Variants in FOXP2 observed in about 807,000 individuals in gnomAD.
FOXP2 encodes forkhead box protein P2.
FOXP2 carries 12 observed loss-of-function variants against 115.8 expected under a neutral mutation model. The observed-to-expected ratio is 0.10, with a 90% CI of 0.07 to 0.17. FOXP2 has a LOEUF of 0.17. Ranked by LOEUF, FOXP2 falls within the 10% of genes least tolerant of loss-of-function variation. The pLI is 1.00. For synonymous variants in FOXP2, 328 were observed against 297.7 expected, an observed-to-expected ratio of 1.10 and a Z score of -1.05; for missense variants, 629 against 843.5, an observed-to-expected ratio of 0.75 and a Z score of 3.15.
At chr7:114,362,079 G>C (rs1485509796) in intron 2 of FOXP2, among the ~76,000 whole-genome samples, 6 of 151,892 alleles carry the variant, frequency 4.0e-5, no homozygotes, top group Non-Finnish European at 8.8e-5. Context: ...TGGCCAGGGA[G>C]GGGGTAAGGA....
chr7:114,407,034 A>G (rs1793053078), intron 2 of FOXP2, among the ~76,000 whole-genome samples: 1 of 151,992 alleles, frequency 6.6e-6, no homozygotes, highest in Non-Finnish European at 1.5e-5. Flanking sequence ...TGAGAGAAAT[A>G]GTAAGAAAAG....
chr7:114,428,646 T>C lies in FOXP2; in HGVS notation c.168+1967T>C, dbSNP rs567829313. Among the ~76,000 whole-genome samples the C allele has an allele frequency of 1.2e-4, 18 of 151,662 alleles. No homozygotes were observed. The South Asian group carries it at 1.4e-3, about 12-fold the overall frequency. ...TTGTAAATATCCCTTCCCTTGGTTA[T>C]GTTTTAACTATATTAATATAGTTAG... On this transcript the variant is annotated intron_variant, in intron 2 of 16. Transcript: ENST00000350908.
chr7:114,524,202 T>A (rs1798754511), intron 2 of FOXP2, among the ~76,000 whole-genome samples: 1 of 152,188 alleles, frequency 6.6e-6, no homozygotes, highest in Non-Finnish European at 1.5e-5. Flanking sequence ...TTTTCTGTAG[T>A]GAACATCCTA....
intron 2 of FOXP2, among the ~76,000 whole-genome samples, chr7:114,520,844 A>G (rs535515735): frequency 2.0e-4 from 30 of 152,152 alleles, no homozygotes; most frequent in Non-Finnish European, 4.3e-4. Flanking sequence ...AAATGACTAT[A>G]ATCATTCTGA....
chr7:114,417,802 G>A (rs939922366), intron 1 of FOXP2, among the ~76,000 whole-genome samples: 1 of 151,712 alleles, frequency 6.6e-6, no homozygotes, highest in East Asian at 1.9e-4. Flanking sequence ...ACCTTTTTTG[G>A]TAATGATCAT....
chr7:114,157,685 C>A (rs1792705933), intron 1 of FOXP2, among the ~76,000 whole-genome samples: 1 of 152,044 alleles, frequency 6.6e-6, no homozygotes, highest in African/African-American at 2.4e-5. Context: ...GACTTGAAGT[C>A]ACATATATTA....
At chr7:114,426,819 G>A (rs1162726876) in intron 2 of FOXP2, 140 bp downstream of exon 2, 1 of 930,444 alleles carries the variant, frequency 1.1e-6, no homozygotes, top group Admixed American at 2.1e-5. Context: ...GAACATGATT[G>A]AAGGATGAGT....
chr7:114,149,919 C>T (rs142862568), intron 1 of FOXP2, among the ~76,000 whole-genome samples: 6 of 151,860 alleles, frequency 4.0e-5, no homozygotes, highest in East Asian at 3.9e-4. Context: ...GGACTCTTGA[C>T]GTATATGGTA....
intron 1 of FOXP2, among the ~76,000 whole-genome samples, chr7:114,153,383 T>G (rs1270825333): frequency 6.6e-6 from 1 of 152,154 alleles, no homozygotes; most frequent in African/African-American, 2.4e-5. Flanking sequence ...ATTACATTAT[T>G]TTATTGTGTA....
chr7:114,276,535 T>A (rs993086896), intron 1 of FOXP2, among the ~76,000 whole-genome samples: 2 of 152,094 alleles, frequency 1.3e-5, no homozygotes, highest in Non-Finnish European at 2.9e-5. Context: ...TTCTTTGATA[T>A]CTACTGTGAA....
chr7:114,540,128 C>A (rs527334270), intron 3 of FOXP2, among the ~76,000 whole-genome samples: 62 of 151,948 alleles, frequency 4.1e-4, no homozygotes, highest in Admixed American at 1.1e-3. Flanking sequence ...TAGCATTTGG[C>A]CGTAATTTGT....
At chr7:114,345,875 C>A (rs527420217) in intron 2 of FOXP2, among the ~76,000 whole-genome samples, 32 of 151,616 alleles carry the variant, frequency 2.1e-4, no homozygotes, top group African/African-American at 7.7e-4. Flanking sequence ...TCATCAGTAG[C>A]CTTATTTCAA....
chr7:114,628,730 T>G, intron 4 of FOXP2, 53 bp downstream of exon 4: 1 of 1,612,020 alleles, frequency 6.2e-7, no homozygotes, highest in Non-Finnish European at 8.5e-7. Context: ...AGGTGTGCAC[T>G]TATTTTGAAA....
At chr7:114,360,643 T>G (rs919532768) in intron 2 of FOXP2, among the ~76,000 whole-genome samples, 2 of 152,128 alleles carry the variant, frequency 1.3e-5, no homozygotes, top group African/African-American at 4.8e-5. Flanking sequence ...AACAAAAAAA[T>G]TCCTAAGCAT....
intron 2 of FOXP2, among the ~76,000 whole-genome samples, chr7:114,294,863 A>AATAAATAC (rs1796700583): frequency 2.0e-5 from 3 of 150,340 alleles, no homozygotes; most frequent in South Asian, 4.2e-4. Flanking sequence ...TAAATAAATA[A>AATAAATAC]ATACATACAT....
chr7:114,219,859 GT>G (rs534516648), intron 1 of FOXP2, among the ~76,000 whole-genome samples: 193 of 150,164 alleles, frequency 1.3e-3, no homozygotes, highest in African/African-American at 4.4e-3. Context: ...TTTTTTGTTT[GT>G]TTGTTTTGTT....
At chr7:114,525,820 T>TA (rs1430658958) in intron 2 of FOXP2, among the ~76,000 whole-genome samples, 1 of 152,028 alleles carries the variant, frequency 6.6e-6, no homozygotes, top group South Asian at 2.1e-4. Context: ...TATTAAAACT[T>TA]ACGATTTTTG....
chr7:114,681,660 T>C (rs192680878), intron 16 of FOXP2, among the ~76,000 whole-genome samples: 1 of 152,332 alleles, frequency 6.6e-6, no homozygotes, highest in Non-Finnish European at 1.5e-5. Flanking sequence ...AGACATAACC[T>C]GGCCATTTAG....
At chr7:114,386,532 T>C (rs1028703035) in intron 2 of FOXP2, among the ~76,000 whole-genome samples, 5 of 152,156 alleles carry the variant, frequency 3.3e-5, no homozygotes, top group Middle Eastern at 3.2e-3. Flanking sequence ...GGGCACAAGA[T>C]TGTAGTGGAA....
Sources: gnomAD v4.1 joint callset for allele counts (sites outside exome capture counted in the v4.1 genomes callset) on GRCh38, gnomAD v4.1.1 for gene constraint, MANE v1.5 for transcripts, NCBI Gene and HGNC (gene_info 2026-07-23, HGNC 2026-07-21) for gene names.